RNF130: variants seen among roughly 807,000 people sequenced by gnomAD.
The protein encoded by RNF130 is E3 ubiquitin-protein ligase RNF130.
Under a neutral mutation model 44.6 loss-of-function variants are expected in RNF130, and 21 were observed. The ratio of observed to expected loss-of-function variants is 0.47; its 90% CI spans 0.33 to 0.68. The LOEUF (loss-of-function observed/expected upper bound fraction) is 0.68. Among genes scored for constraint, RNF130 ranks in the 30% least tolerant of loss-of-function variants. The pLI is 0.02. For missense variants in RNF130, 479 were observed against 560.6 expected, an observed-to-expected ratio of 0.85 and a Z score of 1.47; for synonymous variants, 214 against 210.4, an observed-to-expected ratio of 1.02 and a Z score of -0.15.
intron 2 of RNF130, among the ~76,000 whole-genome samples, chr5:180,015,633 G>A (rs1763706348): frequency 2.6e-5 from 3 of 114,610 alleles, no homozygotes; most frequent in Non-Finnish European, 3.6e-5. Flanking sequence ...AAGGAGTAGG[G>A]AAAGGAGTAG....
At chr5:179,986,494 C>T (rs1762954935) in intron 3 of RNF130, among the ~76,000 whole-genome samples, 1 of 152,188 alleles carries the variant, frequency 6.6e-6, no homozygotes, top group Non-Finnish European at 1.5e-5. Flanking sequence ...CACAAGAGGT[C>T]ACTTTTACTG....
In RNF130 at chr5:180,041,103, A is replaced by G. The variant is rs568512196; in HGVS notation, c.248-456T>C. On this transcript the variant is annotated intron_variant, in intron 1 of 8. Coordinates refer to ENST00000521389, the MANE Select transcript of RNF130 (RefSeq NM_018434.6). ...AAAACAGGAGCCTGGACTGGGGGCC[A>G]GTGAGGAGGCCAAAATAATCCTCGG... 7.2e-5 allele frequency among the ~76,000 whole-genome samples: 11 copies of G among 152,312 alleles called. No homozygotes were observed. The South Asian group carries it at 2.1e-3, about 29-fold the overall frequency.
At chr5:180,066,305 C>T (rs543063730) in intron 1 of RNF130, among the ~76,000 whole-genome samples, 2 of 152,148 alleles carry the variant, frequency 1.3e-5, no homozygotes, top group African/African-American at 2.4e-5. Context: ...CTCTTGCTGC[C>T]GCCATGTAAG....
chr5:180,005,770 C>T (rs1763451559), intron 3 of RNF130, among the ~76,000 whole-genome samples: 1 of 152,178 alleles, frequency 6.6e-6, no homozygotes, highest in Non-Finnish European at 1.5e-5. Flanking sequence ...AGAATAACTC[C>T]TATACCACAC....
exon 8 of RNF130, chr5:179,920,384 A>G (rs1016471088): frequency 1.4e-6 from 1 of 702,604 alleles, no homozygotes; most frequent in Admixed American, 2.0e-5. Flanking sequence ...TTCATACACC[A>G]GACTCCGAGG....
At chr5:180,012,151 G>A (rs1460907868) in intron 3 of RNF130, among the ~76,000 whole-genome samples, 2 of 152,154 alleles carry the variant, frequency 1.3e-5, no homozygotes, top group East Asian at 1.9e-4. Flanking sequence ...TGAACTGGTG[G>A]TGCAGGAGGG....
intron 5 of RNF130, 52 bp from the exon 6 acceptor site, chr5:179,970,558 A>T (rs762554911): frequency 7.2e-7 from 1 of 1,391,184 alleles, no homozygotes. Flanking sequence ...GAAACTTATT[A>T]GGCCAAAATG....
At chr5:179,999,187 G>A (rs1344172595) in intron 3 of RNF130, among the ~76,000 whole-genome samples, 1 of 151,064 alleles carries the variant, frequency 6.6e-6, no homozygotes, top group Non-Finnish European at 1.5e-5. Context: ...ATGCCGGGCT[G>A]ATTTTTGTAT....
At chr5:179,984,764 A>C (rs1033590699) in intron 3 of RNF130, among the ~76,000 whole-genome samples, 5 of 152,142 alleles carry the variant, frequency 3.3e-5, no homozygotes, top group Non-Finnish European at 7.4e-5. Context: ...ATGAAATTGG[A>C]GGTATTCCTG....
chr5:179,946,844 G>A (rs1762050364), intron 7 of RNF130, among the ~76,000 whole-genome samples: 1 of 152,132 alleles, frequency 6.6e-6, no homozygotes, highest in African/African-American at 2.4e-5. Context: ...GTCAGCCACC[G>A]CGCCCAGCAC....
chr5:180,061,124 G>A (rs1183994386), intron 1 of RNF130, among the ~76,000 whole-genome samples: 1 of 140,194 alleles, frequency 7.1e-6, no homozygotes, highest in Admixed American at 7.2e-5. Flanking sequence ...AGTGACACAA[G>A]CTGCTAGAAA....
At chr5:180,021,603 T>G (rs1380297355) in intron 2 of RNF130, among the ~76,000 whole-genome samples, 1 of 151,908 alleles carries the variant, frequency 6.6e-6, no homozygotes, top group African/African-American at 2.4e-5. Flanking sequence ...GAGTCCCAAA[T>G]CATTCATTTA....
intron 1 of RNF130, among the ~76,000 whole-genome samples, chr5:180,043,356 A>C (rs2113145101): frequency 6.7e-6 from 1 of 150,234 alleles, no homozygotes; most frequent in Middle Eastern, 3.8e-3. Flanking sequence ...TCATTCTTCA[A>C]TGCTTAAAAA....
At chr5:179,994,010 A>T (rs1185151930) in intron 3 of RNF130, among the ~76,000 whole-genome samples, 1 of 152,112 alleles carries the variant, frequency 6.6e-6, no homozygotes, top group East Asian at 1.9e-4. Context: ...TGTTTTTGTC[A>T]GCTTTGTCAA....
rs1554103680 is a variant in RNF130, at chr5:179,998,859, T to TATATATATATATATATATA, written c.693+14201_693+14202insTATATATATATATATATAT. 2.2e-3 allele frequency among the ~76,000 whole-genome samples: 197 copies of TATATATATATATATATATA among 88,584 alleles called. 4 individuals are homozygous for TATATATATATATATATATA. Among genetic ancestry groups the TATATATATATATATATATA allele is most frequent in the African/African-American group, 4.6e-3 (108 of 23,570 alleles). 58.1% of individuals were successfully genotyped at this position (88,584 alleles called of 152,430 possible). Reference sequence around the variant, plus strand: ...TCTCTCTCTTTAGATCTAGTATTTTTTATATATATATATATATATATATAT... The same window carrying TATATATATATATATATATA: ...TCTCTCTCTTTAGATCTAGTATTTTTATATATATATATATATATATATATATATATATATATATATATAT... On this transcript the variant is annotated intron_variant, in intron 3 of 8. Transcript: ENST00000521389.
chr5:180,037,570 C>A (rs1764278249), intron 2 of RNF130, among the ~76,000 whole-genome samples: 1 of 152,218 alleles, frequency 6.6e-6, no homozygotes, highest in South Asian at 2.1e-4. Flanking sequence ...AGGCCAGCAA[C>A]ATCAGTGTCA....
At chr5:179,996,231 G>A (rs1345705006) in intron 3 of RNF130, among the ~76,000 whole-genome samples, 1 of 152,100 alleles carries the variant, frequency 6.6e-6, no homozygotes, top group African/African-American at 2.4e-5. Context: ...TAAATAAGAT[G>A]GACTTCTTGA....
At chr5:179,924,779 G>A (rs2113672014) in intron 7 of RNF130, among the ~76,000 whole-genome samples, 1 of 152,020 alleles carries the variant, frequency 6.6e-6, no homozygotes, top group East Asian at 1.9e-4. Flanking sequence ...ACAGAGTGAG[G>A]CTATCTCAAA....
intron 7 of RNF130, among the ~76,000 whole-genome samples, chr5:179,943,892 A>T (rs1401376490): frequency 2.0e-5 from 3 of 152,250 alleles, no homozygotes; most frequent in Non-Finnish European, 4.4e-5. Context: ...CTAAGGCAAT[A>T]GAAATGTAAT....
Sources: gnomAD v4.1 joint callset for allele counts (sites outside exome capture counted in the v4.1 genomes callset) on GRCh38, gnomAD v4.1.1 for gene constraint, MANE v1.5 for transcripts, NCBI Gene and HGNC (gene_info 2026-07-23, HGNC 2026-07-21) for gene names.